Variants in NPAS3 observed in about 807,000 individuals in gnomAD.
NPAS3 encodes neuronal PAS domain protein 3, also known as neuronal PAS domain-containing protein 3.
A neutral mutation model predicts 73.1 loss-of-function variants in NPAS3; 14 were observed. The ratio of observed to expected loss-of-function variants is 0.19; its 90% CI spans 0.13 to 0.30. The LOEUF (loss-of-function observed/expected upper bound fraction) is 0.30, where lower values mean the gene tolerates loss of function less well. Ranked by LOEUF, NPAS3 falls within the 10% of genes least tolerant of loss-of-function variation. The pLI is 1.00. For missense variants in NPAS3, 1,096 were observed against 1,250.0 expected (o/e 0.88, Z 1.86); for synonymous variants, 620 against 541.5 (o/e 1.14, Z -2.01).
exon 1 of NPAS3, chr14:32,939,349 T>G (rs757555604): frequency 1.4e-6 from 1 of 720,682 alleles, no homozygotes; most frequent in Non-Finnish European, 2.4e-6. Context: ...TTCAGCAGGA[T>G]CCTTCCAGGC....
intron 2 of NPAS3, among the ~76,000 whole-genome samples, chr14:33,101,364 G>A (rs1303615521): frequency 6.6e-6 from 1 of 152,162 alleles, no homozygotes; most frequent in East Asian, 1.9e-4. Flanking sequence ...GGAAAAAAGA[G>A]TGCAGGTGTA....
intron 4 of NPAS3, among the ~76,000 whole-genome samples, chr14:33,512,791 G>A (rs534026443): frequency 7.7e-4 from 117 of 152,182 alleles, no homozygotes; most frequent in African/African-American, 2.8e-3. Context: ...TAGATATAAA[G>A]ATGGAACCAA....
chr14:33,438,455 C>T (rs1281329069), intron 4 of NPAS3, among the ~76,000 whole-genome samples: 2 of 152,102 alleles, frequency 1.3e-5, no homozygotes, highest in East Asian at 1.9e-4. Context: ...CAAGATTTTT[C>T]AATAGTTAAA....
At chr14:33,032,826 G>A (rs1391300798) in intron 1 of NPAS3, among the ~76,000 whole-genome samples, 1 of 152,162 alleles carries the variant, frequency 6.6e-6, no homozygotes, top group Admixed American at 6.5e-5. Flanking sequence ...TTGAGCTCAT[G>A]GACTGCTTCT....
At chr14:33,282,557 G>C (rs539238218) in intron 3 of NPAS3, among the ~76,000 whole-genome samples, 1 of 152,260 alleles carries the variant, frequency 6.6e-6, no homozygotes, top group African/African-American at 2.4e-5. Flanking sequence ...TGTTTTAACC[G>C]TATTTCTAAA....
At chr14:33,579,064 CT>C (rs1375358462) in intron 5 of NPAS3, among the ~76,000 whole-genome samples, 1 of 152,190 alleles carries the variant, frequency 6.6e-6, no homozygotes, top group Non-Finnish European at 1.5e-5. Flanking sequence ...ATATTAAGCC[CT>C]CATACATGGT....
chr14:33,225,472 T>C (rs897581329), intron 3 of NPAS3, among the ~76,000 whole-genome samples: 1 of 152,194 alleles, frequency 6.6e-6, no homozygotes, highest in Admixed American at 6.5e-5. Context: ...GCCAACGTTT[T>C]CTGTAAAGGA....
At chr14:33,121,086 A>G (rs896148614) in intron 2 of NPAS3, among the ~76,000 whole-genome samples, 1 of 151,830 alleles carries the variant, frequency 6.6e-6, no homozygotes, top group Admixed American at 6.6e-5. Context: ...TCCCTTTTTG[A>G]CCTCTTAACA....
chr14:33,011,987 G>A (rs1010443728), intron 1 of NPAS3, among the ~76,000 whole-genome samples: 2 of 151,270 alleles, frequency 1.3e-5, no homozygotes, highest in Non-Finnish European at 2.9e-5. Context: ...CTTAGCAATA[G>A]ACCTGTTTCT....
At chr14:33,323,675 CATG>C (rs1226633741) in intron 3 of NPAS3, among the ~76,000 whole-genome samples, 3 of 152,216 alleles carry the variant, frequency 2.0e-5, no homozygotes, top group African/African-American at 4.8e-5. Flanking sequence ...TAACACTCCT[CATG>C]ATGATTTCAA....
intron 5 of NPAS3, among the ~76,000 whole-genome samples, chr14:33,571,983 C>T (rs1170939232): frequency 1.3e-5 from 2 of 152,104 alleles, no homozygotes; most frequent in East Asian, 1.9e-4. Flanking sequence ...TGGGCTAATG[C>T]AAAGGACAGA....
At chr14:33,525,842 G>A (rs773161772) in intron 4 of NPAS3, among the ~76,000 whole-genome samples, 6 of 152,142 alleles carry the variant, frequency 3.9e-5, no homozygotes, top group African/African-American at 7.2e-5. Flanking sequence ...ACCGGGAAAC[G>A]TCTGTTTTCT....
At chr14:33,527,261 A>G (rs1451696236) in intron 4 of NPAS3, among the ~76,000 whole-genome samples, 1 of 152,164 alleles carries the variant, frequency 6.6e-6, no homozygotes, top group Non-Finnish European at 1.5e-5. Context: ...AGGGCATGGA[A>G]ATGAATCTTC....
chr14:33,248,212 A>T (rs2048457812), intron 3 of NPAS3, among the ~76,000 whole-genome samples: 1 of 152,222 alleles, frequency 6.6e-6, no homozygotes, highest in African/African-American at 2.4e-5. Context: ...ATAACTTTGT[A>T]TCAGCTGCAG....
intron 5 of NPAS3, among the ~76,000 whole-genome samples, chr14:33,580,063 C>T (rs999975734): frequency 3.9e-5 from 6 of 152,194 alleles, no homozygotes; most frequent in African/African-American, 1.4e-4. Context: ...AACCTTCCTA[C>T]TGGGTAGTCT....
chr14:33,460,245 T>G (rs181422914), intron 4 of NPAS3, among the ~76,000 whole-genome samples: 13 of 152,350 alleles, frequency 8.5e-5, no homozygotes, highest in Middle Eastern at 6.8e-3. Context: ...CTTACTATTA[T>G]GTTGGAGTAC....
At chr14:33,341,603 G>GGCT (rs1482460012) in intron 3 of NPAS3, among the ~76,000 whole-genome samples, 1 of 152,056 alleles carries the variant, frequency 6.6e-6, no homozygotes, top group Non-Finnish European at 1.5e-5. Context: ...AAATGGGAAG[G>GGCT]GCTGGTTCCT....
intron 4 of NPAS3, among the ~76,000 whole-genome samples, chr14:33,505,471 C>T (rs2052713184): frequency 6.6e-6 from 1 of 151,978 alleles, no homozygotes; most frequent in Admixed American, 6.6e-5. Flanking sequence ...GCTGAAATAA[C>T]ATATGAGTTA....
intron 5 of NPAS3, among the ~76,000 whole-genome samples, chr14:33,639,183 C>T (rs1193908021): frequency 2.0e-5 from 3 of 152,050 alleles, no homozygotes; most frequent in Non-Finnish European, 4.4e-5. Flanking sequence ...TAAGATAGAC[C>T]GTTTAAGCCC....
Sources: gnomAD v4.1 joint callset for allele counts (sites outside exome capture counted in the v4.1 genomes callset) on GRCh38, gnomAD v4.1.1 for gene constraint, MANE v1.5 for transcripts, NCBI Gene and HGNC (gene_info 2026-07-23, HGNC 2026-07-21) for gene names.